The following MON1A variants were observed in gnomAD, a reference collection of about 807,000 sequenced individuals.
MON1A encodes MON1 vesicular trafficking associated A, also known as vacuolar fusion protein MON1 homolog A.
MON1A carries 29 observed loss-of-function variants against 44.6 expected under a neutral mutation model. That is an observed-to-expected ratio of 0.65 (90% CI 0.48 to 0.89). MON1A has a LOEUF of 0.89. Among genes scored for constraint, MON1A ranks in the 40% least tolerant of loss-of-function variants. The pLI is 0.00. For missense variants in MON1A, 615 were observed against 759.6 expected, an observed-to-expected ratio of 0.81 and a Z score of 2.24; for synonymous variants, 275 against 316.4, an observed-to-expected ratio of 0.87 and a Z score of 1.39.
intron 1 of MON1A, among the ~76,000 whole-genome samples, chr3:49,917,580 G>A (rs1174535214): frequency 6.6e-6 from 1 of 150,474 alleles, no homozygotes; most frequent in Non-Finnish European, 1.5e-5. Context: ...AAGCCACCAC[G>A]CCTGGCCGGA....
chr3:49,913,906 T>C (rs182407384), intron 1 of MON1A, among the ~76,000 whole-genome samples: 2 of 151,268 alleles, frequency 1.3e-5, no homozygotes, highest in African/African-American at 4.9e-5. Flanking sequence ...TCAAGTGATC[T>C]GCCCCTCTCG....
At position 49,910,136 on chromosome 3, in the gene MON1A, G is replaced by C. The variant is rs1203335563; in HGVS notation, c.1362C>G (p.Ser454Arg). 1 of 1,601,224 alleles carries C rather than the reference G, an allele frequency of 6.2e-7. No individual in the cohort carries two copies. The highest frequency in any genetic ancestry group is 1.1e-5 in the South Asian group (1 of 90,516). ...TCCCTCACCTGGTGAAGAGTCCCGAGCTCTTTGACTTATAGAGGAAGTGAC... is the reference window on the plus strand; with the variant it reads ...TCCCTCACCTGGTGAAGAGTCCCGACCTCTTTGACTTATAGAGGAAGTGAC... ...DLRHFLYKSK[S>R]SGLFTSPEIE... Residue 454 changes from serine to arginine, a missense_variant, in exon 4 of 6, where the codon AGC (serine) becomes AGG (arginine). Transcript: ENST00000296473. This position sits in a 1 kb window ranked among gnomAD's most constrained non-coding sequence, Gnocchi z 8.0.
intron 1 of MON1A, chr3:49,916,138 G>A (rs2082941071): frequency 6.6e-6 from 1 of 152,242 alleles, no homozygotes; most frequent in South Asian, 2.1e-4. Context: ...AGAGTCTGGT[G>A]GGAATAACTG....
In MON1A at chr3:49,909,376, G is replaced by C. The variant is rs773841291; in HGVS notation, c.1404C>G (p.Thr468=). The change falls in exon 5 of 6, where the codon ACC becomes ACG. Residue 468 remains threonine (T), a synonymous_variant. Transcript: ENST00000296473. The surrounding 1 kb of genome is among the most constrained non-coding windows in gnomAD (Gnocchi z 4.0). ...GCAGCCGCTCCTGCTCCTCTTCACT[G>C]GTGTATGGGGCCTCAATCTCAGGGC... ...FTSPEIEAPY[T]SEEEQERLLG... is the part of the protein sequence containing the mutation. 1 of 1,614,096 alleles carries C rather than the reference G, an allele frequency of 6.2e-7. No homozygotes were observed. Among genetic ancestry groups the C allele is most frequent in the South Asian group, 1.1e-5 (1 of 91,084 alleles).
At chr3:49,922,615 GGGAAAGGAA>G (rs2083011042) in intron 1 of MON1A, among the ~76,000 whole-genome samples, 1 of 148,416 alleles carries the variant, frequency 6.7e-6, no homozygotes, top group Non-Finnish European at 1.5e-5. Context: ...AGGGGAAGGA[GGGAAAGGAA>G]GGAAAGGAAG....
chr3:49,919,157 T>C (rs1307160742), intron 1 of MON1A, among the ~76,000 whole-genome samples: 5 of 152,162 alleles, frequency 3.3e-5, no homozygotes, highest in African/African-American at 1.2e-4. Context: ...CACTCCAGCC[T>C]GGGTAAAGGG....
rs1163195121 is a variant in MON1A, at chr3:49,911,996, C to T, written c.143G>A (p.Gly48Asp). 5 of 1,580,146 alleles carry T rather than the reference C, an allele frequency of 3.2e-6. No homozygotes were observed. The highest frequency in any genetic ancestry group is 4.3e-6 in the Non-Finnish European group (5 of 1,160,572). Reference sequence around the variant, plus strand: ...GGAACGGGCATGGACGAACATGGCACCCTCCTGGCCCGCACCTGCAGGCCA... The same window carrying T: ...GGAACGGGCATGGACGAACATGGCATCCTCCTGGCCCGCACCTGCAGGCCA... ...QGMEPGAGQE[G>D]AMFVHARSYE... The change falls in exon 3 of 6, where the codon GGT (glycine) becomes GAT (aspartate). Residue 48 changes from glycine to aspartate, a missense_variant. Physicochemically the swap from Gly to Asp is moderately conservative, Grantham distance 94 (BLOSUM62 -1). Coordinates refer to ENST00000296473, the MANE Select transcript of MON1A (RefSeq NM_032355.4). This position sits in a 1 kb window ranked among gnomAD's most constrained non-coding sequence, Gnocchi z 5.7.
At chr3:49,924,958 G>A (rs983466916) in intron 1 of MON1A, among the ~76,000 whole-genome samples, 1 of 152,186 alleles carries the variant, frequency 6.6e-6, no homozygotes, top group African/African-American at 2.4e-5. Flanking sequence ...AAGAGACCCT[G>A]AGCTTGAGCC....
rs1421137370 is a variant in MON1A, at chr3:49,911,414, TA to T, written c.613+111del. On this transcript the variant is annotated intron_variant, in intron 3 of 5. Coordinates refer to ENST00000296473, the MANE Select transcript of MON1A (RefSeq NM_032355.4). The surrounding 1 kb of genome is among the most constrained non-coding windows in gnomAD (Gnocchi z 5.7). ...TGAAGCTCAGAGAGGTAGAGGGACT[TA>T]CCCTCAGTCACACAGCACATCCCAG... The T allele has an allele frequency of 7.7e-6, 11 of 1,435,094 alleles. No individual in the cohort carries two copies. Among genetic ancestry groups the T allele is most frequent in the Non-Finnish European group, 1.0e-5 (11 of 1,072,888 alleles). 88.9% of individuals were successfully genotyped at this position (1,435,094 alleles called of 1,614,324 possible).
intron 1 of MON1A, among the ~76,000 whole-genome samples, chr3:49,925,122 A>G (rs952690921): frequency 7.2e-5 from 11 of 152,130 alleles, no homozygotes; most frequent in African/African-American, 2.7e-4. Context: ...ATGTTTATTT[A>G]TTTATCTATT....
intron 1 of MON1A, among the ~76,000 whole-genome samples, chr3:49,913,658 G>GTTTTTTTTTTTTTTTTTTTTT (rs1559493127): frequency 2.3e-4 from 28 of 121,504 alleles, no homozygotes; most frequent in Non-Finnish European, 4.1e-4. Flanking sequence ...TTTCCTTCTA[G>GTTTTTTTTTTTTTTTTTTTTT]TATTTTTTTT....
rs755223623 is a variant in MON1A, at chr3:49,929,750, T to G, written c.-155A>C. ...CCCCGGCCCCCTGCGTACACAGACA[T>G]GGCCACAGCGCAGGCACCGCTCCCT... On this transcript the variant is annotated 5_prime_UTR_variant, in exon 1 of 6. It removes an upstream start codon present in the reference 5' UTR. Coordinates refer to ENST00000296473, the MANE Select transcript of MON1A (RefSeq NM_032355.4). 1.8e-5 allele frequency: 28 copies of G among 1,549,688 alleles called. No individual in the cohort carries two copies. In the Middle Eastern group the frequency reaches 5.1e-4, roughly 28 times the overall value.
Position 49,929,739 on chromosome 3 carries a change from G to A in MON1A, c.-144C>T, listed in dbSNP as rs2083078824. 6.5e-7 allele frequency: 1 copy of A among 1,550,014 alleles called. No homozygotes were observed. The highest frequency in any genetic ancestry group is 2.0e-5 in the Admixed American group (1 of 50,974). ...GCTTCGCGGGGCCCCGGCCCCCTGCGTACACAGACATGGCCACAGCGCAGG... is the reference window on the plus strand; with the variant it reads ...GCTTCGCGGGGCCCCGGCCCCCTGCATACACAGACATGGCCACAGCGCAGG... On this transcript the variant is annotated 5_prime_UTR_variant, in exon 1 of 6. The change creates a new upstream start codon in the 5' untranslated region. Transcript: ENST00000296473.
chr3:49,909,479 C>G lies in MON1A; in HGVS notation c.1380-79G>C, dbSNP rs1171222014. The G allele has an allele frequency of 1.7e-5, 26 of 1,563,004 alleles. No homozygotes were observed. The highest frequency in any genetic ancestry group is 2.1e-5 in the Non-Finnish European group (24 of 1,148,034). On this transcript the variant is annotated intron_variant, in intron 4 of 5. Transcript: ENST00000296473. This position sits in a 1 kb window ranked among gnomAD's most constrained non-coding sequence, Gnocchi z 4.0. ...CTCTAGAGATTTAGAAACACCTATT[C>G]CTATCCAGGAAGACTCTATCTTATG...
chr3:49,913,659 TA>T (rs1462458155), intron 1 of MON1A, among the ~76,000 whole-genome samples: 17 of 100,786 alleles, frequency 1.7e-4, no homozygotes, highest in Middle Eastern at 6.0e-3. Context: ...TTCCTTCTAG[TA>T]TTTTTTTTTT....
chr3:49,911,684 CG>C lies in MON1A; in HGVS notation c.454del (p.Arg152AlafsTer10). On this transcript the variant is annotated frameshift_variant, in exon 3 of 6. Coordinates refer to ENST00000296473, the MANE Select transcript of MON1A (RefSeq NM_032355.4). LOFTEE classifies it high-confidence loss of function. This position sits in a 1 kb window ranked among gnomAD's most constrained non-coding sequence, Gnocchi z 5.7. The stretch of plus-strand genomic sequence containing the variant: ...CACAAAGACATGCTTCTGGTGCAGG[CG>C]CCATGCCTCCGTGGCATCCTCCTCA... ...GDEEDATEAW[R>X]LHQKHVFVLS... 6.2e-7 allele frequency: 1 copy of C among 1,614,156 alleles called. No homozygotes were observed. Among genetic ancestry groups the C allele is most frequent in the Non-Finnish European group, 8.5e-7 (1 of 1,180,032 alleles).
At chr3:49,914,291 C>T (rs994020883) in intron 1 of MON1A, among the ~76,000 whole-genome samples, 2 of 151,816 alleles carry the variant, frequency 1.3e-5, no homozygotes, top group African/African-American at 4.8e-5. Context: ...CTGTGTTGGT[C>T]AGGCTGCTCT....
chr3:49,911,562 C>T lies in MON1A; in HGVS notation c.577G>A (p.Glu193Lys), dbSNP rs2082885888. 1.2e-6 allele frequency: 2 copies of T among 1,613,306 alleles called. No homozygotes were observed. Among genetic ancestry groups the T allele is most frequent in the South Asian group, 1.1e-5 (1 of 91,046 alleles). The change falls in exon 3 of 6, where the codon GAG becomes AAG. Residue 193 changes from glutamate to lysine, a missense_variant. Physicochemically the swap from Glu to Lys is moderately conservative, Grantham distance 56. Transcript: ENST00000296473. This position sits in a 1 kb window ranked among gnomAD's most constrained non-coding sequence, Gnocchi z 5.7. ...GVMVALVSFL[E>K]ADKNAIRSIH... Reference sequence around the variant, plus strand: ...GAGCGGATGGCGTTCTTGTCTGCCTCCAGGAAGGACACCAGGGCCACCATA... The same window carrying T: ...GAGCGGATGGCGTTCTTGTCTGCCTTCAGGAAGGACACCAGGGCCACCATA...
At position 49,910,968 on chromosome 3, in the gene MON1A, C is replaced by T. The variant is rs2082871391; in HGVS notation, c.614-84G>A. ...GCCTTCCAGCGCAGCTCTTCGCTTT[C>T]CCCATCCTTTCCTCGCTCAGAGCTC... On this transcript the variant is annotated intron_variant, in intron 3 of 5. Coordinates refer to ENST00000296473, the MANE Select transcript of MON1A (RefSeq NM_032355.4). The surrounding 1 kb of genome is among the most constrained non-coding windows in gnomAD (Gnocchi z 8.0). 1 of 1,337,924 alleles carries T rather than the reference C, an allele frequency of 7.5e-7. No homozygotes were observed. The highest frequency in any genetic ancestry group is 1.0e-6 in the Non-Finnish European group (1 of 981,044). 82.9% of individuals were successfully genotyped at this position (1,337,924 alleles called of 1,614,324 possible).
Sources: allele counts gnomAD v4.1 joint callset (sites outside exome capture counted in the v4.1 genomes callset), GRCh38; gene constraint gnomAD v4.1.1; non-coding constraint Gnocchi (gnomAD v3.1); transcripts MANE v1.5; gene names NCBI Gene and HGNC (gene_info 2026-07-23, HGNC 2026-07-21).